IL1RAPL1: variants seen among roughly 807,000 people sequenced by gnomAD.
IL1RAPL1 encodes interleukin 1 receptor accessory protein like 1.
IL1RAPL1 carries 3 observed loss-of-function variants against 48.4 expected under a neutral mutation model. The ratio of observed to expected loss-of-function variants is 0.06; its 90% CI spans 0.03 to 0.16. The LOEUF (loss-of-function observed/expected upper bound fraction) is 0.16, where lower values mean the gene tolerates loss of function less well. Ranked by LOEUF, IL1RAPL1 falls within the 10% of genes least tolerant of loss-of-function variation. The probability of loss-of-function intolerance (pLI) is 1.00; values close to 1 mark genes in which losing one functional copy is unlikely to be tolerated. For missense variants in IL1RAPL1, 349 were observed against 530.6 expected (o/e 0.66, Z 3.36); for synonymous variants, 185 against 187.7 (o/e 0.99, Z 0.12).
chrX:28,912,334 G>T (rs1923381427), intron 2 of IL1RAPL1, among the ~76,000 whole-genome samples: 1 of 110,457 alleles, frequency 9.1e-6, no homozygotes, highest in East Asian at 2.8e-4. Flanking sequence ...TCTTCCATTT[G>T]AACCGTTATG....
chrX:29,854,047 C>T (rs183682070), intron 6 of IL1RAPL1, among the ~76,000 whole-genome samples: 1 of 112,165 alleles, frequency 8.9e-6, no homozygotes, highest in East Asian at 2.8e-4. Flanking sequence ...TTTCCCCAAA[C>T]CCCTCTCTCA....
intron 5 of IL1RAPL1, among the ~76,000 whole-genome samples, chrX:29,463,564 G>C (rs1417125400): frequency 2.7e-5 from 3 of 111,471 alleles, no homozygotes; most frequent in African/African-American, 9.8e-5. Context: ...GGGTTTAAAA[G>C]ATGTATTTGC....
chrX:29,013,431 C>T (rs925630601), intron 2 of IL1RAPL1, among the ~76,000 whole-genome samples: 5 of 111,655 alleles, frequency 4.5e-5, no homozygotes, highest in African/African-American at 1.3e-4. Context: ...TTCATTGCAG[C>T]GCTATTCACC....
intron 1 of IL1RAPL1, among the ~76,000 whole-genome samples, chrX:28,698,311 A>G (rs1935257972): frequency 9.0e-6 from 1 of 111,288 alleles, no homozygotes; most frequent in African/African-American, 3.3e-5. Context: ...AACTGGCACC[A>G]TGACATTTTG....
chrX:29,609,382 C>A (rs961367029), intron 5 of IL1RAPL1, among the ~76,000 whole-genome samples: 1 of 112,077 alleles, frequency 8.9e-6, no homozygotes, highest in African/African-American at 3.2e-5. Context: ...ATTTCTAGCT[C>A]CCTTATACAC....
intron 3 of IL1RAPL1, among the ~76,000 whole-genome samples, chrX:29,344,694 A>G (rs760635287): frequency 3.6e-5 from 4 of 111,512 alleles, no homozygotes; most frequent in Non-Finnish European, 7.5e-5. Context: ...CTGAAGTGCA[A>G]TGGTGCGATC....
intron 6 of IL1RAPL1, among the ~76,000 whole-genome samples, chrX:29,822,964 CA>C (rs1317208879): frequency 9.0e-6 from 1 of 111,067 alleles, no homozygotes; most frequent in Non-Finnish European, 1.9e-5. Context: ...ATGGTGTGGC[CA>C]AAGGCACAGC....
chrX:29,357,875 G>A (rs1933325651), intron 3 of IL1RAPL1, among the ~76,000 whole-genome samples: 1 of 112,063 alleles, frequency 8.9e-6, no homozygotes, highest in African/African-American at 3.2e-5. Context: ...TGTGCTTATG[G>A]TTGTTGAAGA....
intron 5 of IL1RAPL1, among the ~76,000 whole-genome samples, chrX:29,558,373 G>A (rs1354104298): frequency 9.0e-6 from 1 of 111,724 alleles, no homozygotes; most frequent in African/African-American, 3.2e-5. Flanking sequence ...CCAATTTTAA[G>A]TAGGCTTATT....
intron 2 of IL1RAPL1, among the ~76,000 whole-genome samples, chrX:29,052,696 G>A (rs940969495): frequency 9.1e-6 from 1 of 110,074 alleles, no homozygotes; most frequent in South Asian, 4.0e-4. Flanking sequence ...TTTTGAGATG[G>A]AGTCTTGCTC....
chrX:29,262,781 A>G (rs1205751333), intron 2 of IL1RAPL1, among the ~76,000 whole-genome samples: 2 of 112,313 alleles, frequency 1.8e-5, no homozygotes. Context: ...TTTCTGGAAG[A>G]CAATAAATGT....
chrX:28,883,442 A>G (rs965071932), intron 2 of IL1RAPL1, among the ~76,000 whole-genome samples: 5 of 111,935 alleles, frequency 4.5e-5, no homozygotes, highest in African/African-American at 1.6e-4. Flanking sequence ...AAATATGGCC[A>G]TTGCTACTGA....
chrX:29,722,478 T>C (rs1927661125), intron 6 of IL1RAPL1, among the ~76,000 whole-genome samples: 1 of 112,339 alleles, frequency 8.9e-6, no homozygotes, highest in African/African-American at 3.2e-5. Flanking sequence ...TTTTTCCTTC[T>C]GTTTTTCTCA....
At chrX:29,081,568 T>C (rs188255991) in intron 2 of IL1RAPL1, among the ~76,000 whole-genome samples, 52 of 111,800 alleles carry the variant, frequency 4.7e-4, no homozygotes, top group Non-Finnish European at 2.3e-4. Flanking sequence ...TTGTCCAAAG[T>C]ACCAGTAAGG....
At chrX:29,095,464 A>C (rs984424314) in intron 2 of IL1RAPL1, among the ~76,000 whole-genome samples, 2 of 111,937 alleles carry the variant, frequency 1.8e-5, no homozygotes, top group African/African-American at 3.2e-5. Flanking sequence ...CAAACAGTCC[A>C]CAAGATATTC....
At position 29,944,564 on chromosome X, in the gene IL1RAPL1, T is replaced by C. The variant is rs774512831; in HGVS notation, c.1201+2770T>C. 6.2e-5 allele frequency among the ~76,000 whole-genome samples: 7 copies of C among 112,369 alleles called. No homozygotes were observed. The South Asian group carries it at 2.6e-3, about 42-fold the overall frequency. ...GTTCCCATTTCTACTGAGAAAAAAC[T>C]CATAACCTTGCTTCTCCAAGATTAC... On this transcript the variant is annotated intron_variant, in intron 9 of 10. Transcript: ENST00000378993.
chrX:29,355,714 G>A (rs1037459678), intron 3 of IL1RAPL1, among the ~76,000 whole-genome samples: 5 of 111,836 alleles, frequency 4.5e-5, no homozygotes, highest in East Asian at 5.6e-4. Context: ...GAAAAAGACC[G>A]TATCTGTGAG....
In IL1RAPL1 at chrX:28,610,952, T is replaced by C. The variant is rs975319375; in HGVS notation, c.-25+22905T>C. On this transcript the variant is annotated intron_variant, in intron 1 of 10. Coordinates refer to ENST00000378993, the MANE Select transcript of IL1RAPL1 (RefSeq NM_014271.4). ...CCAGCTAATGCGCGTACCCTCTACATCTTGAGTGCCTCAACAATGCCACAG... is the reference window on the plus strand; with the variant it reads ...CCAGCTAATGCGCGTACCCTCTACACCTTGAGTGCCTCAACAATGCCACAG... 7.2e-5 allele frequency among the ~76,000 whole-genome samples: 8 copies of C among 111,291 alleles called. No individual in the cohort carries two copies. In the Admixed American group the frequency reaches 7.6e-4, roughly 11 times the overall value.
chrX:28,961,062 A>G lies in IL1RAPL1; in HGVS notation c.82+171637A>G, dbSNP rs115682551. Among the ~76,000 whole-genome samples the G allele has an allele frequency of 8.4e-3, 840 of 100,574 alleles. 11 individuals are homozygous for G. The highest frequency in any genetic ancestry group is 0.03 in the African/African-American group (809 of 26,955). 87.3% of individuals were successfully genotyped at this position (100,574 alleles called of 115,157 possible). On this transcript the variant is annotated intron_variant, in intron 2 of 10. Coordinates refer to ENST00000378993, the MANE Select transcript of IL1RAPL1 (RefSeq NM_014271.4). Reference sequence around the variant, plus strand: ...GTGTGGGTAATAAGAGGAAATATTTATGAAATCGGGATAAATATTGCGAGT... The same window carrying G: ...GTGTGGGTAATAAGAGGAAATATTTGTGAAATCGGGATAAATATTGCGAGT...
Sources: gnomAD v4.1 joint callset for allele counts (sites outside exome capture counted in the v4.1 genomes callset) on GRCh38, gnomAD v4.1.1 for gene constraint, MANE v1.5 for transcripts, NCBI Gene and HGNC (gene_info 2026-07-23, HGNC 2026-07-21) for gene names.